SLCO6A1: variants seen among roughly 807,000 people sequenced by gnomAD.
The protein encoded by SLCO6A1 is cancer/testis antigen 48.
Under a neutral mutation model 72.7 loss-of-function variants are expected in SLCO6A1, and 65 were observed. The observed-to-expected ratio is 0.89, with a 90% CI of 0.73 to 1.10. The LOEUF (loss-of-function observed/expected upper bound fraction) is 1.10. Ranked by LOEUF, SLCO6A1 falls within the 50% of genes least tolerant of loss-of-function variation. The pLI is 0.00. For missense variants in SLCO6A1, 874 were observed against 872.6 expected (o/e 1.00, Z -0.02); for synonymous variants, 314 against 298.2 (o/e 1.05, Z -0.55).
chr5:102,431,606 T>A (rs1402325032), intron 7 of SLCO6A1, among the ~76,000 whole-genome samples: 1 of 152,218 alleles, frequency 6.6e-6, no homozygotes, highest in East Asian at 1.9e-4. Context: ...GTGGTTGGTA[T>A]GATTTCAGTT....
At chr5:102,441,535 T>C (rs1749831401) in intron 6 of SLCO6A1, among the ~76,000 whole-genome samples, 1 of 152,132 alleles carries the variant, frequency 6.6e-6, no homozygotes. Context: ...TCCATTCCCT[T>C]ATTCTGCCAT....
chr5:102,469,488 T>C (rs1751488803), intron 4 of SLCO6A1, among the ~76,000 whole-genome samples: 1 of 152,294 alleles, frequency 6.6e-6, no homozygotes, highest in East Asian at 1.9e-4. Flanking sequence ...GGAATGCTTG[T>C]GATTTTTGCA....
intron 7 of SLCO6A1, among the ~76,000 whole-genome samples, chr5:102,429,989 G>A (rs1392935514): frequency 6.6e-6 from 1 of 151,958 alleles, no homozygotes; most frequent in East Asian, 1.9e-4. Flanking sequence ...TTTGAGCAGT[G>A]TTTTGTAATT....
chr5:102,493,319 T>C (rs559438196), intron 1 of SLCO6A1, among the ~76,000 whole-genome samples: 2 of 152,216 alleles, frequency 1.3e-5, no homozygotes, highest in Non-Finnish European at 2.9e-5. Flanking sequence ...AAAGGGCTTA[T>C]CCTAGGAATG....
intron 9 of SLCO6A1, among the ~76,000 whole-genome samples, chr5:102,408,422 C>T (rs565832738): frequency 1.3e-5 from 2 of 152,164 alleles, no homozygotes; most frequent in South Asian, 4.2e-4. Flanking sequence ...AATTTTTCAA[C>T]CGATAGACCT....
chr5:102,373,987 A>G (rs1346423566), intron 12 of SLCO6A1, among the ~76,000 whole-genome samples: 2 of 152,178 alleles, frequency 1.3e-5, no homozygotes, highest in South Asian at 2.1e-4. Flanking sequence ...ATGTACTTGA[A>G]TATTGGATGC....
chr5:102,406,376 AGG>A (rs1351636654), intron 9 of SLCO6A1, among the ~76,000 whole-genome samples: 1 of 152,140 alleles, frequency 6.6e-6, no homozygotes, highest in Non-Finnish European at 1.5e-5. Flanking sequence ...GGAGACAAAA[AGG>A]GACATTTTAG....
chr5:102,447,764 T>G (rs1335643187), intron 6 of SLCO6A1, among the ~76,000 whole-genome samples: 1 of 151,986 alleles, frequency 6.6e-6, no homozygotes, highest in Non-Finnish European at 1.5e-5. Flanking sequence ...TCTTGTCCCT[T>G]TTCTTCTTTA....
intron 5 of SLCO6A1, among the ~76,000 whole-genome samples, chr5:102,458,720 A>G (rs935431708): frequency 4.6e-5 from 7 of 152,196 alleles, no homozygotes; most frequent in African/African-American, 1.7e-4. Flanking sequence ...GCCCAGTCCA[A>G]TACTGTAGCC....
chr5:102,443,013 T>C lies in SLCO6A1; in HGVS notation c.1132-4252A>G, dbSNP rs865991207. Among the ~76,000 whole-genome samples the C allele has an allele frequency of 1.8e-4, 28 of 152,266 alleles. No homozygotes were observed. In the Middle Eastern group the frequency reaches 0.01, roughly 55 times the overall value. ...GAGATCAAGACCATTCTGGCTAACA[T>C]GGTGAAACCCTATCTCTACTAAAAA... is the stretch of plus-strand genomic sequence containing the variant. On this transcript the variant is annotated intron_variant, in intron 6 of 13. Coordinates refer to ENST00000506729, the MANE Select transcript of SLCO6A1 (RefSeq NM_173488.5).
At chr5:102,409,119 TAAG>T (rs1216394370) in intron 9 of SLCO6A1, among the ~76,000 whole-genome samples, 10 of 152,162 alleles carry the variant, frequency 6.6e-5, no homozygotes, top group African/African-American at 2.4e-4. Flanking sequence ...GAAGCATGGA[TAAG>T]AAGAATACGT....
chr5:102,475,727 T>G lies in SLCO6A1; in HGVS notation c.869A>C (p.Lys290Thr), dbSNP rs1469378190. 1 of 1,605,448 alleles carries G rather than the reference T, an allele frequency of 6.2e-7. No homozygotes were observed. The highest frequency in any genetic ancestry group is 1.3e-5 in the African/African-American group (1 of 74,670). ...LGYVLGAPLV[K>T]VPENTTSATN... ...TGCAGAAGTAGTATTCTCAGGGACT[T>G]TAACTAGTGGTGCTCCTAGCACATA... Residue 290 changes from lysine to threonine, a missense_variant, in exon 4 of 14, where the codon AAA becomes ACA. Lys to Thr is a moderately conservative substitution (Grantham distance 78, BLOSUM62 -1). Transcript: ENST00000506729.
rs189775004 is a variant in SLCO6A1, at chr5:102,484,509, C to T, written c.359-4075G>A. ...ACTAAAAATACAAAAATTAGCCAGG[C>T]GTGGTGGCGGGTGCCTGTAATCTCA... On this transcript the variant is annotated intron_variant, in intron 1 of 13. Coordinates refer to ENST00000506729, the MANE Select transcript of SLCO6A1 (RefSeq NM_173488.5). 4.7e-3 allele frequency among the ~76,000 whole-genome samples: 718 copies of T among 151,938 alleles called. 3 individuals carry two copies. Among genetic ancestry groups the T allele is most frequent in the Non-Finnish European group, 6.9e-3 (466 of 67,954 alleles).
intron 6 of SLCO6A1, among the ~76,000 whole-genome samples, chr5:102,449,805 G>C (rs1750316908): frequency 6.6e-6 from 1 of 152,010 alleles, no homozygotes; most frequent in South Asian, 2.1e-4. Context: ...TCATAGACTT[G>C]GTCTATTAAC....
intron 8 of SLCO6A1, 137 bp from the exon 9 acceptor site, chr5:102,413,280 GGT>G (rs1377800849): frequency 3.9e-6 from 3 of 777,928 alleles, no homozygotes; most frequent in Middle Eastern, 3.9e-4. Context: ...TGAGGTCTGA[GGT>G]ACAATAGACT....
At chr5:102,471,536 C>G (rs1415318333) in intron 4 of SLCO6A1, among the ~76,000 whole-genome samples, 1 of 152,056 alleles carries the variant, frequency 6.6e-6, no homozygotes, top group Non-Finnish European at 1.5e-5. Flanking sequence ...AGAACCCATA[C>G]AGCCCAGAAT....
At chr5:102,415,968 T>C (rs1362233574) in intron 8 of SLCO6A1, among the ~76,000 whole-genome samples, 2 of 152,130 alleles carry the variant, frequency 1.3e-5, no homozygotes, top group African/African-American at 2.4e-5. Context: ...CTCAACATCA[T>C]TGATCATCAA....
chr5:102,391,376 A>G (rs952724780), intron 10 of SLCO6A1: 3 of 233,386 alleles, frequency 1.3e-5, no homozygotes, highest in African/African-American at 6.8e-5. Flanking sequence ...TATCATGTAC[A>G]CTCATTATTT....
At chr5:102,473,072 C>G (rs1751710317) in intron 4 of SLCO6A1, among the ~76,000 whole-genome samples, 1 of 151,974 alleles carries the variant, frequency 6.6e-6, no homozygotes, top group East Asian at 1.9e-4. Flanking sequence ...TAACAATAAT[C>G]CTTCTCAAAA....
Sources: allele counts gnomAD v4.1 joint callset (sites outside exome capture counted in the v4.1 genomes callset), GRCh38; gene constraint gnomAD v4.1.1; transcripts MANE v1.5; gene names NCBI Gene and HGNC (gene_info 2026-07-23, HGNC 2026-07-21).